Variants in PLEKHB2 observed in about 807,000 individuals in gnomAD.
PLEKHB2 encodes pleckstrin homology domain-containing family B member 2.
Under a neutral mutation model 36.5 loss-of-function variants are expected in PLEKHB2, and 31 were observed. The observed-to-expected ratio is 0.85, with a 90% CI of 0.64 to 1.15. The LOEUF is 1.15. PLEKHB2 is among the 50% of genes most tolerant of loss of function. The pLI is 0.00. For synonymous variants in PLEKHB2, 119 were observed against 112.0 expected (o/e 1.06, Z -0.39); for missense variants, 262 against 295.3 (o/e 0.89, Z 0.83).
intron 1 of PLEKHB2, among the ~76,000 whole-genome samples, chr2:131,111,779 C>T (rs1189311577): frequency 1.3e-5 from 2 of 152,190 alleles, no homozygotes; most frequent in African/African-American, 4.8e-5. Flanking sequence ...GCGTGAGCCA[C>T]TGTGGCCAGC....
At chr2:131,129,787 G>GCCACCACACCCAGCCC (rs1221780808) in intron 4 of PLEKHB2, among the ~76,000 whole-genome samples, 1 of 152,108 alleles carries the variant, frequency 6.6e-6, no homozygotes, top group Non-Finnish European at 1.5e-5. Flanking sequence ...ACAGGCGTGA[G>GCCACCACACCCAGCCC]AGACTGCTTT....
intron 1 of PLEKHB2, chr2:131,107,979 A>T (rs1302330459): frequency 2.0e-5 from 3 of 152,212 alleles, no homozygotes; most frequent in Admixed American, 2.0e-4. Context: ...TCACTTTTGG[A>T]CCATCTACTA....
chr2:131,106,023 G>C (rs1224083047), intron 1 of PLEKHB2, among the ~76,000 whole-genome samples: 4 of 152,196 alleles, frequency 2.6e-5, no homozygotes, highest in African/African-American at 9.7e-5. Flanking sequence ...TCTTGGCCTT[G>C]CAATGTCTTT....
chr2:131,110,646 T>C (rs1161758686), intron 1 of PLEKHB2, among the ~76,000 whole-genome samples: 1 of 152,226 alleles, frequency 6.6e-6, no homozygotes, highest in Non-Finnish European at 1.5e-5. Context: ...GTGTTGGGAT[T>C]ATGCTCAAGA....
chr2:131,113,136 G>A (rs1695496610), intron 1 of PLEKHB2, among the ~76,000 whole-genome samples: 1 of 151,424 alleles, frequency 6.6e-6, no homozygotes, highest in Non-Finnish European at 1.5e-5. Flanking sequence ...AGGTTGGAAT[G>A]TAGTGGTGTG....
intron 5 of PLEKHB2, 100 bp from the exon 6 acceptor site, chr2:131,132,802 T>C: frequency 1.4e-6 from 1 of 717,500 alleles, no homozygotes; most frequent in East Asian, 2.5e-5. Flanking sequence ...TTTTTGTTTT[T>C]TTAAATTTTT....
intron 6 of PLEKHB2, among the ~76,000 whole-genome samples, chr2:131,133,933 T>C (rs1421818866): frequency 6.7e-6 from 1 of 149,802 alleles, no homozygotes; most frequent in African/African-American, 2.5e-5. Flanking sequence ...GGAGTCTTGC[T>C]CTATCGCCCA....
Position 131,129,142 on chromosome 2 carries a change from T to A in PLEKHB2, c.294-1579T>A, listed in dbSNP as rs528562813. Among the ~76,000 whole-genome samples the A allele has an allele frequency of 1.4e-3, 220 of 152,184 alleles. 1 individual carries two copies. Among genetic ancestry groups the A allele is most frequent in the African/African-American group, 4.7e-3 (194 of 41,496 alleles). Reference sequence around the variant, plus strand: ...GAGTTCGAGACCAGCCTGGCCAACATGGTGAAACCTCGTCTCTACTAAAAA... The same window carrying A: ...GAGTTCGAGACCAGCCTGGCCAACAAGGTGAAACCTCGTCTCTACTAAAAA... On this transcript the variant is annotated intron_variant, in intron 4 of 7. Coordinates refer to ENST00000693505, the MANE Select transcript of PLEKHB2 (RefSeq NM_001100623.2).
chr2:131,120,823 C>T, intron 1 of PLEKHB2, 111 bp from the exon 2 acceptor site: 4 of 1,065,218 alleles, frequency 3.8e-6, no homozygotes, highest in Middle Eastern at 2.0e-4. Flanking sequence ...GCTAAAATGG[C>T]CTTGGGCCCT....
chr2:131,141,951 TA>T (rs1698829622), intron 7 of PLEKHB2, among the ~76,000 whole-genome samples: 2 of 152,168 alleles, frequency 1.3e-5, no homozygotes, highest in African/African-American at 4.8e-5. Flanking sequence ...ACAAGTAAAA[TA>T]ATTACCTAGT....
intron 1 of PLEKHB2, among the ~76,000 whole-genome samples, chr2:131,113,327 C>G: frequency 6.6e-6 from 1 of 152,174 alleles, no homozygotes; most frequent in East Asian, 1.9e-4. Context: ...CTGACCTTCT[C>G]CTCCTAAAAT....
chr2:131,144,020 G>C (rs1227884787), intron 7 of PLEKHB2, among the ~76,000 whole-genome samples: 1 of 152,186 alleles, frequency 6.6e-6, no homozygotes, highest in Non-Finnish European at 1.5e-5. Context: ...GCCTGCCTCA[G>C]AGTGGTGACC....
chr2:131,133,914 T>C (rs1697967665), intron 6 of PLEKHB2, among the ~76,000 whole-genome samples: 4 of 151,902 alleles, frequency 2.6e-5, no homozygotes, highest in Middle Eastern at 3.4e-3. Flanking sequence ...TTTTTTTTTT[T>C]TTTGGGATGG....
intron 4 of PLEKHB2, among the ~76,000 whole-genome samples, chr2:131,128,409 C>G (rs796719223): frequency 4.6e-5 from 7 of 152,268 alleles, no homozygotes; most frequent in African/African-American, 1.7e-4. Context: ...ACCCAAGAAA[C>G]AGGAGCAGAG....
At chr2:131,129,720 T>G (rs1573587306) in intron 4 of PLEKHB2, among the ~76,000 whole-genome samples, 1 of 47,600 alleles carries the variant, frequency 2.1e-5, no homozygotes, top group Non-Finnish European at 9.4e-5. Flanking sequence ...GCCAGGCTGG[T>G]CTCGAACTCC....
intron 1 of PLEKHB2, among the ~76,000 whole-genome samples, chr2:131,113,290 C>G (rs1239937641): frequency 6.6e-6 from 1 of 152,116 alleles, no homozygotes; most frequent in Non-Finnish European, 1.5e-5. Context: ...CTAGGCTAGT[C>G]TCAAACTCCT....
rs539058384 is a variant in PLEKHB2 at position 131,109,209 on chromosome 2, T to A, written c.-9+3811T>A. Among the ~76,000 whole-genome samples the A allele has an allele frequency of 2.0e-5, 3 of 152,234 alleles. No individual in the cohort carries two copies. The South Asian group carries it at 6.2e-4, about 32-fold the overall frequency. ...ATGTGATCAAAATCATACTTCATGA[T>A]TTTTGGTTTCTAAAGATACTCTCTA... On this transcript the variant is annotated intron_variant, in intron 1 of 7. Coordinates refer to ENST00000693505, the MANE Select transcript of PLEKHB2 (RefSeq NM_001100623.2).
chr2:131,131,434 C>T (rs1286154512), intron 5 of PLEKHB2, among the ~76,000 whole-genome samples: 1 of 152,172 alleles, frequency 6.6e-6, no homozygotes, highest in Non-Finnish European at 1.5e-5. Context: ...GTCTCTCGTC[C>T]TGTTTCTGGC....
intron 4 of PLEKHB2, chr2:131,127,068 T>C (rs1573577748): frequency 3.4e-6 from 1 of 293,896 alleles, no homozygotes; most frequent in East Asian, 7.5e-5. Context: ...ACGGGCATAG[T>C]TGAAATAAAA....
Sources: allele counts gnomAD v4.1 joint callset (sites outside exome capture counted in the v4.1 genomes callset), GRCh38; gene constraint gnomAD v4.1.1; transcripts MANE v1.5; gene names NCBI Gene and HGNC (gene_info 2026-07-23, HGNC 2026-07-21).